The following AGRN variants were observed in gnomAD, a reference collection of about 807,000 sequenced individuals.
AGRN encodes agrin.
In AGRN, 106 loss-of-function variants were observed where a neutral mutation model predicts 211.0. That is an observed-to-expected ratio of 0.50 (90% confidence interval 0.43 to 0.59). The LOEUF (loss-of-function observed/expected upper bound fraction) is 0.59. AGRN is among the 20% of genes least tolerant of loss of function. The probability of loss-of-function intolerance (pLI) is 0.00; values close to 1 mark genes in which losing one functional copy is unlikely to be tolerated. For missense variants in AGRN, 3,040 were observed against 2,982.6 expected, an observed-to-expected ratio of 1.02 and a Z score of -0.45; for synonymous variants, 1,525 against 1,332.5, an observed-to-expected ratio of 1.14 and a Z score of -3.15.
intron 30 of AGRN, 133 bp from the exon 31 acceptor site, chr1:1,051,120 T>C: frequency 6.7e-7 from 1 of 1,497,118 alleles, no homozygotes; most frequent in Non-Finnish European, 9.0e-7. Flanking sequence ...CTAAGGACCC[T>C]GCCATTTCTG....
intron 7 of AGRN, among the ~76,000 whole-genome samples, 197 bp downstream of exon 7, chr1:1,042,359 G>C (rs1210053498): frequency 6.6e-6 from 1 of 152,192 alleles, no homozygotes. Context: ...TGAGGCAGAG[G>C]CGGGGCCTTG....
At position 1,050,510 on chromosome 1, in the gene AGRN, A is replaced by AGGGG. The variant is rs1303033750; in HGVS notation, c.5062_5065dup (p.Asp1689GlyfsTer183). 1 of 1,612,822 alleles carries AGGGG rather than the reference A, an allele frequency of 6.2e-7. No homozygotes were observed. Among genetic ancestry groups the AGGGG allele is most frequent in the Non-Finnish European group, 8.5e-7 (1 of 1,179,860 alleles). On this transcript the variant is annotated frameshift_variant, in exon 29 of 36. Coordinates refer to ENST00000379370, the MANE Select transcript of AGRN (RefSeq NM_198576.4). LOFTEE classifies it high-confidence loss of function. ...TACAACGGGCAGAAGACGGACGGCAAGGGGGACTTCGTGTCGCTGGCACTG... is the reference window on the plus strand; with the variant it reads ...TACAACGGGCAGAAGACGGACGGCAAGGGGGGGGGACTTCGTGTCGCTGGCACTG...
Position 1,051,522 on chromosome 1 carries a change from GCAGGTCACCCCTGCACCCGGGCCT to G in AGRN, c.5445_5468del (p.Thr1819_Cys1826del), listed in dbSNP as rs1228173671. The stretch of plus-strand genomic sequence containing the variant: ...GCGGCAGGTGGACGTCACGTCCTTT[GCAGGTCACCCCTGCACCCGGGCCT>G]CAGGCCACCCCTGCCTCAATGGGGC... On this transcript the variant is annotated inframe_deletion, in exon 32 of 36. Coordinates refer to ENST00000379370, the MANE Select transcript of AGRN (RefSeq NM_198576.4). The G allele has an allele frequency of 6.4e-7, 1 of 1,568,534 alleles. No homozygotes were observed. The highest frequency in any genetic ancestry group is 8.6e-7 in the Non-Finnish European group (1 of 1,158,642).
chr1:1,026,266 G>T (rs1184193611), intron 2 of AGRN, among the ~76,000 whole-genome samples: 1 of 152,200 alleles, frequency 6.6e-6, no homozygotes, highest in Non-Finnish European at 1.5e-5. Context: ...CTCTGTGGGT[G>T]GTGGTGGGGA....
Position 1,055,818 on chromosome 1 carries a change from T to TC in AGRN, c.*841dup, listed in dbSNP as rs1160550635. Reference sequence around the variant, plus strand: ...CTGAGGGCTGCCTCACTGCAAATCCTCCCCACAGCGTCAGTGAAAGTCGTC... The same window carrying TC: ...CTGAGGGCTGCCTCACTGCAAATCCTCCCCCACAGCGTCAGTGAAAGTCGTC... On this transcript the variant is annotated 3_prime_UTR_variant, in exon 36 of 36. Coordinates refer to ENST00000379370, the MANE Select transcript of AGRN (RefSeq NM_198576.4). 2 of 152,358 alleles carry TC rather than the reference T, an allele frequency of 1.3e-5. No individual in the cohort carries two copies. The highest frequency in any genetic ancestry group is 4.8e-5 in the African/African-American group (2 of 41,442). 9.4% of individuals were successfully genotyped at this position (152,358 alleles called of 1,614,324 possible). A position where few individuals can be genotyped will look rare whatever the true frequency, so the allele number is the denominator to read the frequency against.
At chr1:1,054,257 A>G (rs1645392282) in intron 34 of AGRN, among the ~76,000 whole-genome samples, 191 bp from the exon 35 acceptor site, 1 of 152,166 alleles carries the variant, frequency 6.6e-6, no homozygotes, top group South Asian at 2.1e-4. Context: ...AGCTGCAGGA[A>G]TGTCCCCGGC....
In AGRN at chr1:1,055,073, C is replaced by T. The variant is rs1284753798; in HGVS notation, c.*92C>T. The T allele has an allele frequency of 5.9e-6, 9 of 1,518,674 alleles. No homozygotes were observed. The highest frequency in any genetic ancestry group is 2.4e-5 in the South Asian group (2 of 82,986). 94.1% of individuals were successfully genotyped at this position (1,518,674 alleles called of 1,614,324 possible). ...ATGATTTTCTTGCCTGAGTGTTGGC[C>T]GGAGGGACTGCTGGCCCGGCCTCCC... On this transcript the variant is annotated 3_prime_UTR_variant, in exon 36 of 36. Coordinates refer to ENST00000379370, the MANE Select transcript of AGRN (RefSeq NM_198576.4).
At chr1:1,023,167 G>T (rs1644447698) in intron 2 of AGRN, among the ~76,000 whole-genome samples, 2 of 152,190 alleles carry the variant, frequency 1.3e-5, no homozygotes, top group Non-Finnish European at 2.9e-5. Context: ...TGTGTCGGTG[G>T]GGGGGTCTGG....
In AGRN at chr1:1,048,367, T is replaced by G. The variant is rs1321856970; in HGVS notation, c.4105+2T>G. On this transcript the variant is annotated splice_donor_variant, in intron 23 of 35. Transcript: ENST00000379370. LOFTEE classifies it high-confidence loss of function. The surrounding 1 kb of genome is among the most constrained non-coding windows in gnomAD (Gnocchi z 5.9). Reference sequence around the variant, plus strand: ...GGGGAGGCGCCGTCTGTGAGAAGGGTAAGGATGTCCACTGCAGAGGAGGGC... The same window carrying G: ...GGGGAGGCGCCGTCTGTGAGAAGGGGAAGGATGTCCACTGCAGAGGAGGGC... 6.9e-7 allele frequency: 1 copy of G among 1,454,970 alleles called. No individual in the cohort carries two copies. The highest frequency in any genetic ancestry group is 2.5e-5 in the East Asian group (1 of 40,158). The allele number at this position is 1,454,970 out of a possible 1,614,324, so 90.1% of individuals were successfully genotyped here. A position where few individuals can be genotyped will look rare whatever the true frequency, so the allele number is the denominator to read the frequency against.
chr1:1,025,487 C>T (rs1433157359), intron 2 of AGRN, among the ~76,000 whole-genome samples: 1 of 152,058 alleles, frequency 6.6e-6, no homozygotes, highest in African/African-American at 2.4e-5. Flanking sequence ...TTCTGGGATG[C>T]AGGAGGACCT....
Position 1,046,897 on chromosome 1 carries a change from T to C in AGRN, c.3328T>C (p.Leu1110=), listed in dbSNP as rs1297179716. ...GAGGGCTTCCTGCTACAACTCCGCG[T>C]TGGGCTGCTGCTCTGATGGGAAGAC... ...VERASCYNSA[L]GCCSDGKTPS... is the part of the protein sequence containing the mutation. The change falls in exon 19 of 36, where the codon TTG becomes CTG. Residue 1110 remains leucine, a synonymous_variant. Coordinates refer to ENST00000379370, the MANE Select transcript of AGRN (RefSeq NM_198576.4). The C allele has an allele frequency of 1.2e-5, 19 of 1,583,718 alleles. No individual in the cohort carries two copies. The highest frequency in any genetic ancestry group is 1.5e-5 in the Non-Finnish European group (18 of 1,166,170).
chr1:1,035,645 G>A (rs1488139734), intron 3 of AGRN, among the ~76,000 whole-genome samples: 1 of 152,240 alleles, frequency 6.6e-6, no homozygotes, highest in Non-Finnish European at 1.5e-5. Context: ...GCCAGAGTCC[G>A]GTCAGGGGGC....
At chr1:1,025,955 C>T (rs1190367826) in intron 2 of AGRN, among the ~76,000 whole-genome samples, 3 of 152,144 alleles carry the variant, frequency 2.0e-5, no homozygotes, top group Admixed American at 6.5e-5. Context: ...CCGTCTTTGA[C>T]TTCTCCTGGG....
In AGRN at chr1:1,048,806, G is replaced by C. The variant is rs1230477083; in HGVS notation, c.4106-61G>C. 6.9e-7 allele frequency: 1 copy of C among 1,442,956 alleles called. No individual in the cohort carries two copies. Among genetic ancestry groups the C allele is most frequent in the East Asian group, 2.5e-5 (1 of 39,868 alleles). The allele number at this position is 1,442,956 out of a possible 1,614,324, so 89.4% of individuals were successfully genotyped here. A position where few individuals can be genotyped will look rare whatever the true frequency, so the allele number is the denominator to read the frequency against. On this transcript the variant is annotated intron_variant, in intron 23 of 35. Transcript: ENST00000379370. This position sits in a 1 kb window ranked among gnomAD's most constrained non-coding sequence, Gnocchi z 5.9. The stretch of plus-strand genomic sequence containing the variant: ...AAAAAAAAAGCAGGGGGCGGTTTCA[G>C]GGATAAAAGTGGGGAATCCTCGGAG...
chr1:1,029,815 T>C (rs1644614960), intron 2 of AGRN, among the ~76,000 whole-genome samples: 1 of 85,542 alleles, frequency 1.2e-5, no homozygotes. Flanking sequence ...TGGTGCTGTG[T>C]GAGATCAGCG....
rs775560228 is a variant in AGRN, at chr1:1,049,228, G to A, written c.4299-8G>A. ...GCGATGGTCCTGAGCACCTGCTCCTGCCCTCAGGTTTGACACAGGTTCGGG... is the reference window on the plus strand; with the variant it reads ...GCGATGGTCCTGAGCACCTGCTCCTACCCTCAGGTTTGACACAGGTTCGGG... On this transcript the variant is annotated splice_polypyrimidine_tract_variant and splice_region_variant and intron_variant, in intron 24 of 35. Coordinates refer to ENST00000379370, the MANE Select transcript of AGRN (RefSeq NM_198576.4). The A allele has an allele frequency of 3.2e-6, 5 of 1,573,010 alleles. No homozygotes were observed. The highest frequency in any genetic ancestry group is 4.3e-6 in the Non-Finnish European group (5 of 1,165,824).
At chr1:1,027,560 G>A (rs145992853) in intron 2 of AGRN, among the ~76,000 whole-genome samples, 1 of 152,246 alleles carries the variant, frequency 6.6e-6, no homozygotes, top group Non-Finnish European at 1.5e-5. Flanking sequence ...AAGGGCCCAG[G>A]ACCTTCTGCA....
chr1:1,031,104 C>T lies in AGRN; in HGVS notation c.464-4173C>T, dbSNP rs1263457898. ...GAGTGTGATTGTGTGTGTGTGTGTGCGGTGCATGGTGCTGTGTGAGATGTG... is the reference window on the plus strand; with the variant it reads ...GAGTGTGATTGTGTGTGTGTGTGTGTGGTGCATGGTGCTGTGTGAGATGTG... On this transcript the variant is annotated intron_variant, in intron 2 of 35. Coordinates refer to ENST00000379370, the MANE Select transcript of AGRN (RefSeq NM_198576.4). This position sits in a 1 kb window ranked among gnomAD's most constrained non-coding sequence, Gnocchi z 4.8. 1.2e-4 allele frequency among the ~76,000 whole-genome samples: 11 copies of T among 92,734 alleles called. No homozygotes were observed. Among genetic ancestry groups the T allele is most frequent in the East Asian group, 3.0e-4 (1 of 3,380 alleles). The allele number at this position is 92,734 out of a possible 152,430, so 60.8% of individuals were successfully genotyped here.
At chr1:1,021,714 C>G (rs1468596156) in intron 1 of AGRN, among the ~76,000 whole-genome samples, 1 of 152,244 alleles carries the variant, frequency 6.6e-6, no homozygotes, top group Non-Finnish European at 1.5e-5. Flanking sequence ...CACAGGCTGC[C>G]CTGAGTGCAC....
Sources: allele counts gnomAD v4.1 joint callset (sites outside exome capture counted in the v4.1 genomes callset), GRCh38; gene constraint gnomAD v4.1.1; non-coding constraint Gnocchi (gnomAD v3.1); transcripts MANE v1.5; gene names NCBI Gene and HGNC (gene_info 2026-07-23, HGNC 2026-07-21).